Variants in SFI1 observed in about 807,000 individuals in gnomAD.
The protein encoded by SFI1 is SFI1 centrin binding protein.
A neutral mutation model predicts 207.5 loss-of-function variants in SFI1; 195 were observed. The ratio of observed to expected loss-of-function variants is 0.94; its 90% confidence interval spans 0.84 to 1.06. SFI1 has a LOEUF of 1.06. Ranked by LOEUF, SFI1 falls within the 50% of genes least tolerant of loss-of-function variation. SFI1 has a pLI of 0.00. For missense variants in SFI1, 1,634 were observed against 1,588.0 expected, an observed-to-expected ratio of 1.03 and a Z score of -0.49; for synonymous variants, 630 against 598.9, an observed-to-expected ratio of 1.05 and a Z score of -0.76.
chr22:31,581,261 G>C (rs538059044), intron 12 of SFI1, among the ~76,000 whole-genome samples: 1 of 150,272 alleles, frequency 6.7e-6, no homozygotes, highest in Admixed American at 6.7e-5. Flanking sequence ...TTACAGGTGT[G>C]AGCCACCGCA....
intron 1 of SFI1, among the ~76,000 whole-genome samples, 171 bp from the exon 2 acceptor site, chr22:31,508,084 T>C (rs560217092): frequency 6.8e-6 from 1 of 148,094 alleles, no homozygotes; most frequent in East Asian, 2.0e-4. Context: ...TCAAAAAAAT[T>C]AAAAAAAAAA....
Position 31,546,883 on chromosome 22 carries a change from CT to C in SFI1, c.362del (p.Leu121HisfsTer36). The C allele has an allele frequency of 6.2e-7, 1 of 1,610,424 alleles. No individual in the cohort carries two copies. The highest frequency in any genetic ancestry group is 8.5e-7 in the Non-Finnish European group (1 of 1,178,264). ...KARFYYEQRLLRKVFEEWKEE... is the reference protein window; with the variant it reads ...KARFYYEQRLXRKVFEEWKEE... ...TAGATTTTACTATGAGCAGCGATTACTACGGAAGGTCTTCGAAGAATGGAAA... is the reference window on the plus strand; with the variant it reads ...TAGATTTTACTATGAGCAGCGATTACACGGAAGGTCTTCGAAGAATGGAAA... On this transcript the variant is annotated frameshift_variant, in exon 5 of 33. Coordinates refer to ENST00000400288, the MANE Select transcript of SFI1 (RefSeq NM_001007467.3). LOFTEE classifies it high-confidence loss of function.
At chr22:31,593,987 C>CGAGGGAGAGAGA (rs2066613306) in intron 15 of SFI1, among the ~76,000 whole-genome samples, 1 of 53,164 alleles carries the variant, frequency 1.9e-5, no homozygotes, top group Non-Finnish European at 4.5e-5. Context: ...GAGACGGAGA[C>CGAGGGAGAGAGA]GAGGGAGAGG....
At chr22:31,592,957 C>T (rs1312768024) in intron 15 of SFI1, among the ~76,000 whole-genome samples, 8 of 121,102 alleles carry the variant, frequency 6.6e-5, no homozygotes, top group East Asian at 2.6e-4. Flanking sequence ...CCTCACCTCC[C>T]GGACGGGGCG....
chr22:31,519,221 T>G (rs2056902088), intron 2 of SFI1, among the ~76,000 whole-genome samples: 1 of 152,066 alleles, frequency 6.6e-6, no homozygotes, highest in Non-Finnish European at 1.5e-5. Flanking sequence ...ATAAAGGAAT[T>G]AAGACTGAAA....
chr22:31,576,817 T>C (rs763924438), intron 10 of SFI1, among the ~76,000 whole-genome samples: 10 of 151,556 alleles, frequency 6.6e-5, no homozygotes, highest in Non-Finnish European at 8.8e-5. Context: ...TTTTTTTGTA[T>C]TTTTAGTAGA....
At chr22:31,533,027 C>T (rs938193264) in intron 4 of SFI1, among the ~76,000 whole-genome samples, 5 of 152,204 alleles carry the variant, frequency 3.3e-5, no homozygotes, top group South Asian at 2.1e-4. Context: ...AAAATAGAGG[C>T]GTTAACATGA....
intron 7 of SFI1, chr22:31,559,814 G>A (rs1461626358): frequency 7.1e-6 from 5 of 705,816 alleles, no homozygotes; most frequent in Non-Finnish European, 7.9e-6. Context: ...TGCAGATGTG[G>A]AGCGACTGAA....
At chr22:31,588,274 G>T (rs908821284) in intron 14 of SFI1, among the ~76,000 whole-genome samples, 16 of 152,226 alleles carry the variant, frequency 1.1e-4, no homozygotes, top group African/African-American at 3.4e-4. Flanking sequence ...CTCTCTGTGA[G>T]GCTTGGGCTT....
intron 6 of SFI1, among the ~76,000 whole-genome samples, chr22:31,550,914 A>G (rs1228951584): frequency 6.6e-6 from 1 of 152,224 alleles, no homozygotes; most frequent in African/African-American, 2.4e-5. Flanking sequence ...TCTGCAAGTC[A>G]CAAGTACAAC....
chr22:31,593,188 C>G (rs1350830043), intron 15 of SFI1, among the ~76,000 whole-genome samples: 1 of 151,084 alleles, frequency 6.6e-6, no homozygotes, highest in Non-Finnish European at 1.5e-5. Flanking sequence ...AGACGCTCCT[C>G]ACCTCCCAGA....
intron 15 of SFI1, among the ~76,000 whole-genome samples, chr22:31,591,897 CA>C (rs1361889948): frequency 4.7e-5 from 2 of 42,576 alleles, no homozygotes; most frequent in South Asian, 1.1e-3. Context: ...GCTGGCCGGG[CA>C]GGGGGGCTGA....
intron 3 of SFI1, among the ~76,000 whole-genome samples, chr22:31,529,881 C>A (rs1476428156): frequency 6.6e-6 from 1 of 151,824 alleles, no homozygotes; most frequent in African/African-American, 2.4e-5. Context: ...ATAAGACAAG[C>A]CACCTTTGGC....
intron 27 of SFI1, 37 bp downstream of exon 27, chr22:31,613,892 C>T (rs1283390654): frequency 1.3e-6 from 2 of 1,549,130 alleles, no homozygotes. Flanking sequence ...TCGCTTCCAC[C>T]CTGGGCAAAA....
chr22:31,532,076 G>T (rs1407389957), intron 4 of SFI1, among the ~76,000 whole-genome samples: 1 of 151,664 alleles, frequency 6.6e-6, no homozygotes, highest in Non-Finnish European at 1.5e-5. Flanking sequence ...AAAAATAAAT[G>T]AATAAAAATA....
At chr22:31,588,870 A>G (rs899515819) in intron 14 of SFI1, among the ~76,000 whole-genome samples, 2 of 151,882 alleles carry the variant, frequency 1.3e-5, no homozygotes, top group African/African-American at 4.8e-5. Flanking sequence ...CTATACATGC[A>G]TATATGCTTT....
intron 5 of SFI1, among the ~76,000 whole-genome samples, chr22:31,548,117 G>C (rs1339632808): frequency 2.6e-5 from 4 of 151,850 alleles, no homozygotes; most frequent in Non-Finnish European, 4.4e-5. Flanking sequence ...CTACTCGGGA[G>C]GCTGAGGCAG....
chr22:31,557,468 C>T (rs961957439), intron 7 of SFI1, among the ~76,000 whole-genome samples: 1 of 152,014 alleles, frequency 6.6e-6, no homozygotes, highest in East Asian at 1.9e-4. Context: ...GGATTATAGG[C>T]ATGAGCCACC....
At chr22:31,567,030 C>T (rs1210572393) in intron 8 of SFI1, among the ~76,000 whole-genome samples, 1 of 152,084 alleles carries the variant, frequency 6.6e-6, no homozygotes, top group Non-Finnish European at 1.5e-5. Flanking sequence ...CTCAGCCTCC[C>T]GAGTAGCTGG....
Sources: allele counts gnomAD v4.1 joint callset (sites outside exome capture counted in the v4.1 genomes callset), GRCh38; gene constraint gnomAD v4.1.1; transcripts MANE v1.5; gene names NCBI Gene and HGNC (gene_info 2026-07-23, HGNC 2026-07-21).